Variants in EI24 observed in about 807,000 individuals in gnomAD.
EI24 encodes the protein EI24 autophagy associated transmembrane protein.
A neutral mutation model predicts 48.6 loss-of-function variants in EI24; 21 were observed. That is an observed-to-expected ratio of 0.43 (90% CI 0.31 to 0.62). The LOEUF is 0.62. Among genes scored for constraint, EI24 ranks in the 20% least tolerant of loss-of-function variants. EI24 has a pLI of 0.10. For synonymous variants in EI24, 114 were observed against 145.5 expected (o/e 0.78, Z 1.56); for missense variants, 280 against 410.5 (o/e 0.68, Z 2.75).
chr11:125,578,138 CCATCACTA>C lies in EI24; in HGVS notation c.326_333del (p.Ser109TrpfsTer27), dbSNP rs1565329967. On this transcript the variant is annotated frameshift_variant, in exon 6 of 11. Transcript: ENST00000278903. LOFTEE classifies it high-confidence loss of function. ...ACTCGTTTCCTCTTTCTTAGGTGAC[CCATCACTA>C]CATGGAGATGTTTGGTCGTGGCTGG... The C allele has an allele frequency of 6.2e-7, 1 of 1,613,154 alleles. No homozygotes were observed. The highest frequency in any genetic ancestry group is 8.5e-7 in the Non-Finnish European group (1 of 1,179,878).
chr11:125,578,080 G>A, intron 5 of EI24, 53 bp from the exon 6 acceptor site: 1 of 1,609,594 alleles, frequency 6.2e-7, no homozygotes, highest in South Asian at 1.1e-5. Flanking sequence ...TCCGCATTTG[G>A]TCTTCTGGAT....
rs569757100 is a variant in EI24, at chr11:125,569,549, C to T, written c.-95C>T. ...GCCTGCGGTGGGCTAGGGGCAGGGC[C>T]GGAGCCGCGGCGGCGGAGCTGTGGG... On this transcript the variant is annotated 5_prime_UTR_variant, in exon 1 of 11. Coordinates refer to ENST00000278903, the MANE Select transcript of EI24 (RefSeq NM_004879.5). 1,129 of 373,920 alleles carry T rather than the reference C, an allele frequency of 3.0e-3. 9 individuals carry two copies. The highest frequency in any genetic ancestry group is 0.022 in the African/African-American group (1,034 of 47,610). 23.2% of individuals were successfully genotyped at this position (373,920 alleles called of 1,614,324 possible). A position where few individuals can be genotyped will look rare whatever the true frequency, so the allele number is the denominator to read the frequency against.
At chr11:125,580,714 T>C (rs2135870226) in intron 8 of EI24, 1 of 156,440 alleles carries the variant, frequency 6.4e-6, no homozygotes, top group South Asian at 1.9e-4. Flanking sequence ...ATTATAGAAT[T>C]CTAAGAAACT....
intron 10 of EI24, 29 bp from the exon 11 acceptor site, chr11:125,583,492 G>C: frequency 6.6e-7 from 1 of 1,525,948 alleles, no homozygotes; most frequent in Non-Finnish European, 8.8e-7. Flanking sequence ...TAACTGGGGA[G>C]CTAACAAGTT....
chr11:125,572,274 A>C (rs1320304301), intron 1 of EI24, among the ~76,000 whole-genome samples, 184 bp from the exon 2 acceptor site: 1 of 152,198 alleles, frequency 6.6e-6, no homozygotes, highest in Non-Finnish European at 1.5e-5. Flanking sequence ...GTTTTAGAAA[A>C]AAAATAGGGA....
intron 2 of EI24, among the ~76,000 whole-genome samples, chr11:125,573,153 G>T (rs904622408): frequency 6.6e-6 from 1 of 151,736 alleles, no homozygotes; most frequent in Non-Finnish European, 1.5e-5. Context: ...TGATCCACCC[G>T]CCTTGTCCTC....
At position 125,581,265 on chromosome 11, in the gene EI24, T is replaced by C; in HGVS notation, c.728T>C (p.Phe243Ser). The C allele has an allele frequency of 6.2e-7, 1 of 1,611,854 alleles. No homozygotes were observed. Among genetic ancestry groups the C allele is most frequent in the East Asian group, 2.2e-5 (1 of 44,778 alleles). Reference protein sequence around the residue: ...SNIERNWPYYFGFGLPLAFLT... With the variant: ...SNIERNWPYYSGFGLPLAFLT... ...ATAGAAAGGAATTGGCCTTACTACT[T>C]TGGGTTTGGTTTGCCCTTGGCTTTT... is the stretch of plus-strand genomic sequence containing the variant. Residue 243 changes from phenylalanine (F) to serine (S), a missense_variant, in exon 9 of 11, where the codon TTT (phenylalanine) becomes TCT (serine). Physicochemically the swap from Phe to Ser is radical, Grantham distance 155. This residue lies in a region of EI24 where 204 missense variants were observed against 294.1 expected (regional missense o/e 0.69). Transcript: ENST00000278903.
chr11:125,576,464 G>A (rs1938750743), intron 4 of EI24, 149 bp downstream of exon 4: 2 of 746,418 alleles, frequency 2.7e-6, no homozygotes, highest in Non-Finnish European at 4.5e-6. Context: ...CTGTGCATCT[G>A]CAGAGATTTT....
At chr11:125,581,583 G>A (rs189960888) in intron 9 of EI24, among the ~76,000 whole-genome samples, 1,433 of 109,170 alleles carry the variant, frequency 0.013, 25 homozygotes, top group African/African-American at 0.037. Context: ...GTCTCACTCT[G>A]TCGCCCAGGC....
intron 10 of EI24, 132 bp from the exon 11 acceptor site, chr11:125,583,389 T>C: frequency 2.6e-6 from 2 of 757,816 alleles, no homozygotes; most frequent in Admixed American, 6.1e-5. Context: ...ATCTAATATC[T>C]GTATTTCCTT....
At chr11:125,577,400 A>C (rs1938792966) in intron 4 of EI24, 104 bp from the exon 5 acceptor site, 2 of 1,190,434 alleles carry the variant, frequency 1.7e-6, no homozygotes, top group Non-Finnish European at 2.4e-6. Flanking sequence ...AGGCCTCCTG[A>C]TTTATAAAAG....
intron 8 of EI24, 148 bp downstream of exon 8, chr11:125,580,352 G>A (rs748360277): frequency 2.0e-4 from 132 of 665,368 alleles, no homozygotes; most frequent in Admixed American, 2.7e-4. Context: ...GCTTACCTTC[G>A]GCTTAGTGGG....
chr11:125,579,921 C>G (rs1238776724), intron 7 of EI24, among the ~76,000 whole-genome samples, 172 bp from the exon 8 acceptor site: 1 of 152,150 alleles, frequency 6.6e-6, no homozygotes, highest in Non-Finnish European at 1.5e-5. Flanking sequence ...GCCTCATCCT[C>G]CCAAACTGTT....
At chr11:125,578,045 C>T (rs1178137113) in intron 5 of EI24, 88 bp from the exon 6 acceptor site, 16 of 1,506,520 alleles carry the variant, frequency 1.1e-5, no homozygotes, top group East Asian at 2.3e-5. Flanking sequence ...CAGGAGGAGA[C>T]AGAGAATAGT....
intron 3 of EI24, 120 bp downstream of exon 3, chr11:125,575,528 A>C: frequency 8.5e-7 from 1 of 1,175,148 alleles, no homozygotes; most frequent in Non-Finnish European, 1.1e-6. Context: ...GTTGCAAGTG[A>C]TTTCCCCCCA....
chr11:125,583,972 A>G lies in EI24; in HGVS notation c.*289A>G, dbSNP rs1404365430. 6 of 363,450 alleles carry G rather than the reference A, an allele frequency of 1.7e-5. No homozygotes were observed. Among genetic ancestry groups the G allele is most frequent in the Non-Finnish European group, 3.1e-5 (6 of 196,500 alleles). The allele number at this position is 363,450 out of a possible 1,614,324, so 22.5% of individuals were successfully genotyped here. ...AGTCCCTGTGCCTGGACTGATTGGA[A>G]CACTTTGTTTTTCTCCCTGTGCCAT... On this transcript the variant is annotated 3_prime_UTR_variant, in exon 11 of 11. Transcript: ENST00000278903.
At chr11:125,581,112 A>ATAAT in intron 8 of EI24, 99 bp from the exon 9 acceptor site, 50 of 329,372 alleles carry the variant, frequency 1.5e-4, no homozygotes, top group South Asian at 3.2e-4. Context: ...AATAATAATA[A>ATAAT]AATCTGTACC....
chr11:125,576,344 T>C (rs1938747035), intron 4 of EI24, 29 bp downstream of exon 4: 2 of 1,606,654 alleles, frequency 1.2e-6, no homozygotes, highest in East Asian at 2.2e-5. Flanking sequence ...AGGTGCCTTA[T>C]AAGCATCTTC....
chr11:125,574,564 G>C (rs1938658371), intron 2 of EI24, among the ~76,000 whole-genome samples: 1 of 152,152 alleles, frequency 6.6e-6, no homozygotes, highest in African/African-American at 2.4e-5. Flanking sequence ...AATTCGTTTT[G>C]TCTGATAACA....
Sources: gnomAD v4.1 joint callset for allele counts (sites outside exome capture counted in the v4.1 genomes callset) on GRCh38, gnomAD v4.1.1 for gene constraint, gnomAD v4.1.1 regional missense constraint, MANE v1.5 for transcripts, NCBI Gene and HGNC (gene_info 2026-07-23, HGNC 2026-07-21) for gene names.